ADGRG4: variants seen among roughly 807,000 people sequenced by gnomAD.
ADGRG4 encodes the protein G protein-coupled receptor 112.
A neutral mutation model predicts 126.2 loss-of-function variants in ADGRG4; 122 were observed. That is an observed-to-expected ratio of 0.97 (90% CI 0.83 to 1.12). The LOEUF (loss-of-function observed/expected upper bound fraction) is 1.12. Among genes scored for constraint, ADGRG4 ranks in the 50% most tolerant of loss-of-function variants. The probability of loss-of-function intolerance (pLI) is 0.00; values close to 1 mark genes in which losing one functional copy is unlikely to be tolerated. For synonymous variants in ADGRG4, 943 were observed against 838.7 expected (o/e 1.12, Z -2.15); for missense variants, 2,481 against 2,251.8 (o/e 1.10, Z -2.06).
rs2148466516 is a variant in ADGRG4, at chrX:136,346,868, A to G, written c.3162A>G (p.Leu1054=). ...STSVLSDVSN[L]SSTTMTTALV... ...CTGTGCTCTCAGATGTCTCAAATCT[A>G]TCCTCAACTACAATGACCACAGCAT... The change falls in exon 6 of 26, where the codon CTA becomes CTG. Residue 1054 remains leucine, a synonymous_variant. Transcript: ENST00000394143. 8.3e-7 allele frequency: 1 copy of G among 1,209,951 alleles called. No homozygotes were observed.
chrX:136,339,421 G>A (rs758977061), intron 5 of ADGRG4, among the ~76,000 whole-genome samples: 6 of 111,900 alleles, frequency 5.4e-5, no homozygotes, highest in African/African-American at 1.9e-4. Flanking sequence ...GGAGATTCAG[G>A]CCTGTTAGGG....
At chrX:136,365,777 C>G (rs1256356512) in intron 13 of ADGRG4, among the ~76,000 whole-genome samples, 4 of 112,193 alleles carry the variant, frequency 3.6e-5, no homozygotes, top group African/African-American at 1.3e-4. Flanking sequence ...GTAATGCCCC[C>G]CAACACACCT....
intron 8 of ADGRG4, among the ~76,000 whole-genome samples, chrX:136,355,214 CAT>C (rs1390249314): frequency 1.2e-5 from 1 of 86,901 alleles, no homozygotes; most frequent in Non-Finnish European, 2.3e-5. Flanking sequence ...TGGATGAAAA[CAT>C]ATGTGTACAC....
chrX:136,332,256 T>C (rs1471911216), intron 5 of ADGRG4, among the ~76,000 whole-genome samples: 2 of 105,525 alleles, frequency 1.9e-5, no homozygotes, highest in East Asian at 6.1e-4. Flanking sequence ...ACATGCGGTG[T>C]TTGGTTTTTT....
chrX:136,338,005 C>A (rs1435208768), intron 5 of ADGRG4, among the ~76,000 whole-genome samples: 1 of 110,840 alleles, frequency 9.0e-6, no homozygotes, highest in Non-Finnish European at 1.9e-5. Flanking sequence ...CTTTTCAATG[C>A]ATTTTCTCTA....
Position 136,359,455 on chromosome X carries a change from G to C in ADGRG4, c.7144G>C (p.Glu2382Gln). The C allele has an allele frequency of 8.4e-7, 1 of 1,186,620 alleles. No individual in the cohort carries two copies. Among genetic ancestry groups the C allele is most frequent in the Non-Finnish European group, 1.1e-6 (1 of 881,507 alleles). ...NCEHVAVKKLEPGNCKADETA... is the reference protein window; with the variant it reads ...NCEHVAVKKLQPGNCKADETA... The stretch of plus-strand genomic sequence containing the variant: ...TGAACACGTTGCAGTGAAAAAACTA[G>C]GTAATTTTTTTGGGGGGTGGATATT... Residue 2382 changes from glutamate to glutamine, a missense_variant and splice_region_variant, in exon 11 of 26, where the codon GAG becomes CAG. By Grantham distance (29) the Glu-to-Gln change is conservative. Coordinates refer to ENST00000394143, the MANE Select transcript of ADGRG4 (RefSeq NM_153834.4).
chrX:136,398,583 C>A (rs777126356), intron 20 of ADGRG4, among the ~76,000 whole-genome samples: 91 of 112,013 alleles, frequency 8.1e-4, no homozygotes, highest in African/African-American at 2.8e-3. Context: ...TTATGTACTT[C>A]TCTGCACCCA....
chrX:136,383,862 CTTTCT>C (rs1157947410), intron 15 of ADGRG4, among the ~76,000 whole-genome samples: 1 of 52,206 alleles, frequency 1.9e-5, no homozygotes, highest in Non-Finnish European at 4.2e-5. Context: ...TTCTTTCTTT[CTTTCT>C]TTCTTTCTTC....
In ADGRG4 at chrX:136,346,186, C is replaced by A. The variant is rs766662392; in HGVS notation, c.2480C>A (p.Pro827Gln). 32 of 1,208,092 alleles carry A rather than the reference C, an allele frequency of 2.6e-5. No individual in the cohort carries two copies. The highest frequency in any genetic ancestry group is 3.6e-5 in the Non-Finnish European group (32 of 893,911). Residue 827 changes from proline to glutamine, a missense_variant, in exon 6 of 26, where the codon CCA becomes CAA. Coordinates refer to ENST00000394143, the MANE Select transcript of ADGRG4 (RefSeq NM_153834.4). ...TTTGGAGGTACAACGACCCCTGTAC[C>A]AAAGTCAGCAACAACACAAAGATTA... ...IVFGGTTTPV[P>Q]KSATTQRLNA... is the part of the protein sequence containing the mutation.
At chrX:136,332,565 C>A (rs2074919228) in intron 5 of ADGRG4, among the ~76,000 whole-genome samples, 1 of 110,483 alleles carries the variant, frequency 9.1e-6, no homozygotes, top group East Asian at 2.8e-4. Flanking sequence ...GTTCTAGATC[C>A]CTGAGGAGTC....
intron 5 of ADGRG4, among the ~76,000 whole-genome samples, chrX:136,337,750 AG>A (rs1245162812): frequency 1.8e-5 from 2 of 112,399 alleles, no homozygotes; most frequent in African/African-American, 6.5e-5. Flanking sequence ...AGTTTTCAAA[AG>A]TTCAATTATG....
At chrX:136,391,893 AAGT>A (rs1477277050) in intron 16 of ADGRG4, among the ~76,000 whole-genome samples, 3 of 112,708 alleles carry the variant, frequency 2.7e-5, no homozygotes, top group African/African-American at 9.7e-5. Flanking sequence ...GAACTGGGAT[AAGT>A]TGTGAAATGT....
At chrX:136,329,575 C>T (rs1282179622) in intron 5 of ADGRG4, among the ~76,000 whole-genome samples, 3 of 111,871 alleles carry the variant, frequency 2.7e-5, no homozygotes, top group Non-Finnish European at 5.6e-5. Context: ...GTTTGTGAGC[C>T]CTCCAAGGAT....
At chrX:136,403,905 G>C (rs903183196) in intron 22 of ADGRG4, among the ~76,000 whole-genome samples, 1 of 111,415 alleles carries the variant, frequency 9.0e-6, no homozygotes, top group Admixed American at 9.5e-5. Flanking sequence ...AATCACGCGA[G>C]AGTAGCAATT....
intron 24 of ADGRG4, 126 bp downstream of exon 24, chrX:136,412,492 T>TA (rs1675469271): frequency 2.1e-6 from 1 of 482,383 alleles, no homozygotes; most frequent in Admixed American, 3.2e-5. Flanking sequence ...TTCCATGTCA[T>TA]AAAAATGATT....
chrX:136,400,177 C>T, intron 21 of ADGRG4, 61 bp downstream of exon 21: 1 of 925,033 alleles, frequency 1.1e-6, no homozygotes, highest in Non-Finnish European at 1.5e-6. Context: ...CTAATTCTAG[C>T]TCTGTTAGAT....
rs1569323731 is a variant in ADGRG4, at chrX:136,347,791, A to G, written c.4085A>G (p.Lys1362Arg). The change falls in exon 6 of 26, where the codon AAA becomes AGA. Residue 1362 changes from lysine to arginine, a missense_variant. Coordinates refer to ENST00000394143, the MANE Select transcript of ADGRG4 (RefSeq NM_153834.4). Reference sequence around the variant, plus strand: ...CCAGAAATGTCTACCAGTCTTGGGAAAACAGCTCTCCCCTCACAAGCTCTG... The same window carrying G: ...CCAGAAATGTCTACCAGTCTTGGGAGAACAGCTCTCCCCTCACAAGCTCTG... ...HIPEMSTSLG[K>R]TALPSQALTI... 1 of 1,210,504 alleles carries G rather than the reference A, an allele frequency of 8.3e-7. No homozygotes were observed. Among genetic ancestry groups the G allele is most frequent in the Non-Finnish European group, 1.1e-6 (1 of 894,439 alleles).
At chrX:136,312,264 G>A (rs938743188) in intron 4 of ADGRG4, among the ~76,000 whole-genome samples, 2 of 112,232 alleles carry the variant, frequency 1.8e-5, no homozygotes, top group South Asian at 3.7e-4. Context: ...TATCACAGAA[G>A]GTTTTATTAG....
At chrX:136,378,250 G>C (rs1348713752) in intron 15 of ADGRG4, among the ~76,000 whole-genome samples, 4 of 111,021 alleles carry the variant, frequency 3.6e-5, no homozygotes, top group African/African-American at 1.3e-4. Flanking sequence ...TTTAAAACTA[G>C]ATATTCCAAT....
Sources: gnomAD v4.1 joint callset for allele counts (sites outside exome capture counted in the v4.1 genomes callset) on GRCh38, gnomAD v4.1.1 for gene constraint, MANE v1.5 for transcripts, NCBI Gene and HGNC (gene_info 2026-07-23, HGNC 2026-07-21) for gene names.